The following CDON variants were observed in gnomAD, a reference collection of about 807,000 sequenced individuals.
CDON encodes cell adhesion associated, oncogene regulated, also known as cell adhesion molecule-related/down-regulated by oncogenes.
A neutral mutation model predicts 120.9 loss-of-function variants in CDON; 73 were observed. The ratio of observed to expected loss-of-function variants is 0.60; its 90% CI spans 0.50 to 0.73. The LOEUF is 0.73. Among genes scored for constraint, CDON ranks in the 30% least tolerant of loss-of-function variants. The probability of loss-of-function intolerance (pLI) is 0.00; values close to 1 mark genes in which losing one functional copy is unlikely to be tolerated. For missense variants in CDON, 1,470 were observed against 1,587.3 expected (o/e 0.93, Z 1.26); for synonymous variants, 566 against 573.5 (o/e 0.99, Z 0.19).
chr11:126,056,353 T>C (rs1199701692), intron 1 of CDON, among the ~76,000 whole-genome samples: 1 of 152,228 alleles, frequency 6.6e-6, no homozygotes, highest in East Asian at 1.9e-4. Context: ...ACGGATGGTC[T>C]GATTTAGGAA....
At chr11:125,993,082 T>C (rs947491267) in intron 14 of CDON, among the ~76,000 whole-genome samples, 3 of 152,180 alleles carry the variant, frequency 2.0e-5, no homozygotes, top group African/African-American at 7.2e-5. Flanking sequence ...TTCTTGCAAC[T>C]TCCCCTCCCC....
In CDON at chr11:125,981,134, C is replaced by T. The variant is rs113558382; in HGVS notation, c.3191G>A (p.Ser1064Asn). The T allele has an allele frequency of 1.1e-4, 184 of 1,614,192 alleles. No homozygotes were observed. In the East Asian group the frequency reaches 2.2e-3, roughly 19 times the overall value. Residue 1064 changes from serine (S) to asparagine (N), a missense_variant, in exon 17 of 20, where the codon AGC (serine) becomes AAC (asparagine). Physicochemically the swap from Ser to Asn is conservative, Grantham distance 46. Transcript: ENST00000531738. Reference protein sequence around the residue: ...PNAVNGIVNGSLNGGLYSGHS... With the variant: ...PNAVNGIVNGNLNGGLYSGHS... ...CCCGGAGTAAAGCCCTCCATTTAGG[C>T]TCCCATTCACAATTCCATTGACTGC...
chr11:125,970,575 T>C (rs948816770), intron 18 of CDON, among the ~76,000 whole-genome samples: 8 of 152,170 alleles, frequency 5.3e-5, no homozygotes, highest in Non-Finnish European at 1.2e-4. Context: ...AGTTACTACC[T>C]AAAGAACCCT....
chr11:126,060,102 C>T (rs1948762017), intron 1 of CDON, among the ~76,000 whole-genome samples: 1 of 152,062 alleles, frequency 6.6e-6, no homozygotes, highest in South Asian at 2.1e-4. Flanking sequence ...ACAACAAAAA[C>T]TTATCACATG....
chr11:126,058,082 A>T (rs1044924348), intron 1 of CDON, among the ~76,000 whole-genome samples: 1 of 152,262 alleles, frequency 6.6e-6, no homozygotes, highest in Non-Finnish European at 1.5e-5. Context: ...GCTCTATGTC[A>T]GCGTCCAAAT....
chr11:126,052,935 T>A (rs1354253702), intron 1 of CDON, among the ~76,000 whole-genome samples: 1 of 152,144 alleles, frequency 6.6e-6, no homozygotes, highest in South Asian at 2.1e-4. Context: ...AACAGGAAGA[T>A]CTGCATAAGT....
chr11:126,058,456 A>C (rs559586939), intron 1 of CDON, among the ~76,000 whole-genome samples: 1 of 152,252 alleles, frequency 6.6e-6, no homozygotes, highest in Non-Finnish European at 1.5e-5. Context: ...CCCAGGATTA[A>C]GGTGGAAAAA....
At chr11:126,015,927 G>C (rs1947454681) in intron 6 of CDON, among the ~76,000 whole-genome samples, 1 of 152,216 alleles carries the variant, frequency 6.6e-6, no homozygotes, top group African/African-American at 2.4e-5. Context: ...TATGTTTACG[G>C]TCAATTCAAC....
intron 18 of CDON, among the ~76,000 whole-genome samples, chr11:125,969,050 G>A (rs1945884331): frequency 6.6e-6 from 1 of 152,220 alleles, no homozygotes; most frequent in Non-Finnish European, 1.5e-5. Flanking sequence ...CCAGGCTGGA[G>A]TGCAATGGCG....
intron 5 of CDON, 46 bp from the exon 6 acceptor site, chr11:126,017,421 C>T (rs370924420): frequency 5.5e-5 from 87 of 1,576,624 alleles, no homozygotes; most frequent in Non-Finnish European, 7.4e-5. Flanking sequence ...GTCTTCGATT[C>T]TAATCTCTTG....
chr11:125,969,982 A>G (rs79514805), intron 18 of CDON, among the ~76,000 whole-genome samples: 2,746 of 152,260 alleles, frequency 0.018, 41 homozygotes, highest in Middle Eastern at 0.054. Context: ...ACACAGTTGA[A>G]TATTTGTTAA....
chr11:125,968,538 C>T (rs1162373461), intron 18 of CDON, among the ~76,000 whole-genome samples: 11 of 152,168 alleles, frequency 7.2e-5, no homozygotes, highest in African/African-American at 2.2e-4. Flanking sequence ...ACACACACTT[C>T]TTAAAGAAAT....
At chr11:126,011,655 C>T (rs992519915) in intron 7 of CDON, among the ~76,000 whole-genome samples, 4 of 152,108 alleles carry the variant, frequency 2.6e-5, no homozygotes, top group Non-Finnish European at 5.9e-5. Context: ...ACTAGTATCT[C>T]CTTCCTAATG....
Position 125,960,893 on chromosome 11 carries a change from G to A in CDON, c.*49C>T. 1.3e-6 allele frequency: 2 copies of A among 1,574,116 alleles called. No homozygotes were observed. The highest frequency in any genetic ancestry group is 8.7e-7 in the Non-Finnish European group (1 of 1,144,632). On this transcript the variant is annotated 3_prime_UTR_variant, in exon 20 of 20. Transcript: ENST00000531738. ...CACAGTTCGCTCCCAGGCCTGTTGT[G>A]TGCAGTTACCGGCTTGAAGTTGGAA...
Position 126,023,456 on chromosome 11 carries a change from G to C in CDON, c.21C>G (p.Pro7=), listed in dbSNP as rs1279211571. The C allele has an allele frequency of 6.8e-6, 11 of 1,613,074 alleles. No homozygotes were observed. The highest frequency in any genetic ancestry group is 1.6e-4 in the Middle Eastern group (1 of 6,080). The stretch of plus-strand genomic sequence containing the variant: ...GAGTAACATACAGCAGTGTACATAA[G>C]GGTCCAAGATCCGGATGCATAGCGC... MHPDLG[P]LCTLLYVTLT... The change falls in exon 2 of 20, where the codon CCC becomes CCG. Residue 7 remains proline, a synonymous_variant. Transcript: ENST00000531738.
intron 1 of CDON, among the ~76,000 whole-genome samples, chr11:126,049,864 C>G (rs999965674): frequency 3.3e-5 from 5 of 152,196 alleles, no homozygotes; most frequent in African/African-American, 1.2e-4. Context: ...TGTATTCATT[C>G]TATAACCAAG....
intron 17 of CDON, 122 bp from the exon 18 acceptor site, chr11:125,978,505 T>C (rs1313880692): frequency 2.8e-6 from 2 of 716,970 alleles, no homozygotes; most frequent in Non-Finnish European, 2.5e-6. Flanking sequence ...GGGCACACAG[T>C]ATATTCTAAC....
chr11:125,978,338 A>G lies in CDON; in HGVS notation c.3322T>C (p.Cys1108Arg). The G allele has an allele frequency of 1.2e-6, 2 of 1,609,726 alleles. No individual in the cohort carries two copies. The highest frequency in any genetic ancestry group is 1.7e-5 in the Admixed American group (1 of 59,710). Residue 1108 changes from cysteine to arginine, a missense_variant, in exon 18 of 20, where the codon TGT (cysteine) becomes CGT (arginine). Cys to Arg is a radical substitution (Grantham distance 180). Coordinates refer to ENST00000531738, the MANE Select transcript of CDON (RefSeq NM_001378964.1). Reference protein sequence around the residue: ...TAVPQIDPLECVNCRNCRNNN... With the variant: ...TAVPQIDPLERVNCRNCRNNN... ...TTTCGACAATTTCGGCAGTTAACAC[A>G]CTCCAGAGGGTCAATCTGAGGCACG...
chr11:126,017,720 T>C (rs1010064726), intron 5 of CDON, among the ~76,000 whole-genome samples: 37 of 151,900 alleles, frequency 2.4e-4, no homozygotes, highest in African/African-American at 8.9e-4. Flanking sequence ...TTTTTTTTTT[T>C]CAAAATTCAC....
Sources: allele counts gnomAD v4.1 joint callset (sites outside exome capture counted in the v4.1 genomes callset), GRCh38; gene constraint gnomAD v4.1.1; transcripts MANE v1.5; gene names NCBI Gene and HGNC (gene_info 2026-07-23, HGNC 2026-07-21).